Variants in NPAS3 observed in about 807,000 individuals in gnomAD.
NPAS3 encodes neuronal PAS domain protein 3, also known as neuronal PAS domain-containing protein 3.
A neutral mutation model predicts 73.1 loss-of-function variants in NPAS3; 14 were observed. The observed-to-expected ratio is 0.19, with a 90% CI of 0.13 to 0.30. NPAS3 has a LOEUF of 0.30. Ranked by LOEUF, NPAS3 falls within the 10% of genes least tolerant of loss-of-function variation. NPAS3 has a pLI of 1.00. For missense variants in NPAS3, 1,096 were observed against 1,250.0 expected (o/e 0.88, Z 1.86); for synonymous variants, 620 against 541.5 (o/e 1.14, Z -2.01).
intron 1 of NPAS3, among the ~76,000 whole-genome samples, chr14:32,994,463 A>C (rs529042494): frequency 5.1e-4 from 78 of 152,206 alleles, no homozygotes; most frequent in African/African-American, 1.6e-3. Context: ...TTAGAGCCCC[A>C]AATTTTTTTT....
chr14:33,286,575 G>C (rs1370481882), intron 3 of NPAS3, among the ~76,000 whole-genome samples: 1 of 152,030 alleles, frequency 6.6e-6, no homozygotes, highest in Non-Finnish European at 1.5e-5. Flanking sequence ...ACCGAATATC[G>C]GCCTGAATGA....
At chr14:33,065,230 C>T (rs911481036) in intron 2 of NPAS3, among the ~76,000 whole-genome samples, 26 of 151,968 alleles carry the variant, frequency 1.7e-4, no homozygotes, top group African/African-American at 4.4e-4. Flanking sequence ...AGTTATAGAA[C>T]GAAGCTAGTG....
chr14:33,061,642 G>T (rs1169335807), intron 2 of NPAS3, among the ~76,000 whole-genome samples: 5 of 152,152 alleles, frequency 3.3e-5, no homozygotes, highest in Non-Finnish European at 7.4e-5. Context: ...GACTAGCCTA[G>T]AAGTGAGTGA....
intron 7 of NPAS3, among the ~76,000 whole-genome samples, chr14:33,747,987 C>G (rs1222047196): frequency 1.3e-5 from 2 of 152,180 alleles, no homozygotes. Flanking sequence ...CTTAACACAA[C>G]CTGACACTGT....
chr14:33,722,552 A>G (rs977158737), intron 6 of NPAS3, among the ~76,000 whole-genome samples: 4 of 152,196 alleles, frequency 2.6e-5, no homozygotes, highest in Non-Finnish European at 5.9e-5. Context: ...ATAATGATGA[A>G]GCCTTGTTTT....
Position 33,219,101 on chromosome 14 carries a change from G to A in NPAS3, c.385+3675G>A, listed in dbSNP as rs115671967. Among the ~76,000 whole-genome samples, 1,055 of 152,256 alleles carry A rather than the reference G, an allele frequency of 6.9e-3. 9 individuals are homozygous for A. The highest frequency in any genetic ancestry group is 0.024 in the African/African-American group (995 of 41,562). ...TATGCGTTATTCAAGAAATGACCAG[G>A]CATTCTCAGCAGTGTTTCAGCTAAA... On this transcript the variant is annotated intron_variant, in intron 3 of 11. Transcript: ENST00000356141.
chr14:33,610,434 CT>C (rs1420139704), intron 5 of NPAS3, among the ~76,000 whole-genome samples: 1 of 151,978 alleles, frequency 6.6e-6, no homozygotes, highest in Non-Finnish European at 1.5e-5. Flanking sequence ...TTTCCCTCTC[CT>C]TTTTTTTCAC....
chr14:33,560,258 T>G, intron 5 of NPAS3, 48 bp downstream of exon 5: 2 of 805,928 alleles, frequency 2.5e-6, no homozygotes, highest in Non-Finnish European at 4.4e-6. Flanking sequence ...GAAGCCTTCT[T>G]CAGCCTCATG....
intron 1 of NPAS3, among the ~76,000 whole-genome samples, chr14:32,963,400 GA>G (rs1336032750): frequency 6.6e-6 from 1 of 152,122 alleles, no homozygotes; most frequent in Non-Finnish European, 1.5e-5. Flanking sequence ...AATCATGGGG[GA>G]AAAAAGAAGG....
At chr14:32,988,357 A>ATATATAACTTT (rs1208940528) in intron 1 of NPAS3, among the ~76,000 whole-genome samples, 2 of 152,212 alleles carry the variant, frequency 1.3e-5, no homozygotes, top group African/African-American at 4.8e-5. Context: ...TCTCAGTAAA[A>ATATATAACTTT]CTAAATTATA....
chr14:33,199,198 T>G (rs2139574971), intron 2 of NPAS3, among the ~76,000 whole-genome samples: 1 of 152,204 alleles, frequency 6.6e-6, no homozygotes, highest in South Asian at 2.1e-4. Flanking sequence ...ACAGTGCAGA[T>G]GCGGGCTGAA....
chr14:33,022,682 A>G (rs2039651331), intron 1 of NPAS3, among the ~76,000 whole-genome samples: 1 of 151,858 alleles, frequency 6.6e-6, no homozygotes, highest in African/African-American at 2.4e-5. Flanking sequence ...AAAAAAAAAA[A>G]AAAAAAGTTA....
intron 1 of NPAS3, among the ~76,000 whole-genome samples, chr14:33,020,727 G>A (rs2039562686): frequency 1.3e-5 from 2 of 151,684 alleles, no homozygotes; most frequent in African/African-American, 4.8e-5. Flanking sequence ...CTGTTCATCA[G>A]TGATTCCTTT....
intron 4 of NPAS3, among the ~76,000 whole-genome samples, chr14:33,508,680 C>T (rs2139988769): frequency 6.6e-6 from 1 of 152,100 alleles, no homozygotes; most frequent in East Asian, 1.9e-4. Flanking sequence ...AGGAGAGAGC[C>T]AGGTAACACT....
intron 5 of NPAS3, among the ~76,000 whole-genome samples, chr14:33,592,127 T>G (rs77223720): frequency 2.6e-5 from 4 of 152,206 alleles, no homozygotes; most frequent in Non-Finnish European, 5.9e-5. Context: ...CCCCCTCCAA[T>G]TTGATGTGGA....
At chr14:33,654,259 T>G (rs536330399) in intron 5 of NPAS3, among the ~76,000 whole-genome samples, 14 of 152,274 alleles carry the variant, frequency 9.2e-5, no homozygotes, top group Admixed American at 9.2e-4. Flanking sequence ...ACATAAGTGT[T>G]GAAATCTAAT....
At chr14:33,233,921 T>A (rs912708807) in intron 3 of NPAS3, among the ~76,000 whole-genome samples, 1 of 152,192 alleles carries the variant, frequency 6.6e-6, no homozygotes, top group Non-Finnish European at 1.5e-5. Flanking sequence ...CTATTCAGAC[T>A]GTCTAATGAA....
chr14:33,038,637 A>T (rs1282318331), intron 1 of NPAS3, among the ~76,000 whole-genome samples: 1 of 152,174 alleles, frequency 6.6e-6, no homozygotes, highest in Non-Finnish European at 1.5e-5. Context: ...TGATAGTTGG[A>T]TAGCATTTGG....
chr14:33,523,209 C>T (rs1669880297), intron 4 of NPAS3, among the ~76,000 whole-genome samples: 2 of 152,076 alleles, frequency 1.3e-5, no homozygotes, highest in Admixed American at 6.6e-5. Context: ...GGAGGAAGCA[C>T]GTTCCTATTC....
Sources: gnomAD v4.1 joint callset for allele counts (sites outside exome capture counted in the v4.1 genomes callset) on GRCh38, gnomAD v4.1.1 for gene constraint, MANE v1.5 for transcripts, NCBI Gene and HGNC (gene_info 2026-07-23, HGNC 2026-07-21) for gene names.